The following PKNOX1 variants were observed in gnomAD, a reference collection of about 807,000 sequenced individuals.
The protein encoded by PKNOX1 is homeobox protein PKNOX1.
PKNOX1 carries 15 observed loss-of-function variants against 51.9 expected under a neutral mutation model. That is an observed-to-expected ratio of 0.29 (90% CI 0.19 to 0.45). The LOEUF (loss-of-function observed/expected upper bound fraction) is 0.45, where lower values mean the gene tolerates loss of function less well. Among genes scored for constraint, PKNOX1 ranks in the 20% least tolerant of loss-of-function variants. The pLI, the probability that PKNOX1 is intolerant of heterozygous loss-of-function variation, is 1.00. For synonymous variants in PKNOX1, 219 were observed against 211.1 expected (o/e 1.04, Z -0.32); for missense variants, 462 against 547.5 (o/e 0.84, Z 1.56).
Position 43,002,727 on chromosome 21 carries a change from T to C in PKNOX1, c.-56-1599T>C, listed in dbSNP as rs1296368860. ...CTTGTTCCTTTTTCTTTCATTTGTT[T>C]GTTTTTGGAGATGGAGTCTCGCTCT... is the stretch of plus-strand genomic sequence containing the variant. On this transcript the variant is annotated intron_variant, in intron 1 of 10. Transcript: ENST00000291547. Among the ~76,000 whole-genome samples, 7 of 152,140 alleles carry C rather than the reference T, an allele frequency of 4.6e-5. No individual in the cohort carries two copies. In the South Asian group the frequency reaches 1.2e-3, roughly 27 times the overall value.
In PKNOX1 at chr21:43,032,632, AAG is replaced by A. The variant is rs1377107809; in HGVS notation, c.*2536_*2537del. The stretch of plus-strand genomic sequence containing the variant: ...ACACAGTGAGACCCCCATCTATAAA[AAG>A]AGAGCACTGCCTGAACCTCGGTGGC... On this transcript the variant is annotated 3_prime_UTR_variant, in exon 11 of 11. Transcript: ENST00000291547. 3.2e-5 allele frequency: 5 copies of A among 158,088 alleles called. No individual in the cohort carries two copies. The highest frequency in any genetic ancestry group is 1.2e-4 in the African/African-American group (5 of 41,668). The allele number at this position is 158,088 out of a possible 1,614,324, so 9.8% of individuals were successfully genotyped here. A position where few individuals can be genotyped will look rare whatever the true frequency, so the allele number is the denominator to read the frequency against.
At position 43,030,005 on chromosome 21, in the gene PKNOX1, G is replaced by A; in HGVS notation, c.1215G>A (p.Glu405=). 1 of 1,614,080 alleles carries A rather than the reference G, an allele frequency of 6.2e-7. No homozygotes were observed. The highest frequency in any genetic ancestry group is 8.5e-7 in the Non-Finnish European group (1 of 1,180,036). Residue 405 remains glutamate (E), a synonymous_variant, in exon 11 of 11, where the codon GAG becomes GAA. Transcript: ENST00000291547. ...AGGTCATGATGGCAGGGCAGAGCGA[G>A]GACGAGTCTGTGGACAGCACAGAGG... The part of the protein sequence containing the change: ...VQQVMMAGQS[E]DESVDSTEED...
At position 43,028,852 on chromosome 21, in the gene PKNOX1, G is replaced by A. The variant is rs529589297; in HGVS notation, c.1077G>A (p.Pro359=). ...CATCAGGAGTCGCACAGCCACCGCC[G>A]AGCGAGCTCACCATGTCGGAAGGTA... ...SIASGVAQPP[P]SELTMSEGAV... Residue 359 remains proline, a synonymous_variant, in exon 10 of 11, where the codon CCG becomes CCA. Transcript: ENST00000291547. 1.1e-5 allele frequency: 18 copies of A among 1,614,128 alleles called. No individual in the cohort carries two copies. Among genetic ancestry groups the A allele is most frequent in the East Asian group, 6.7e-5 (3 of 44,872 alleles).
At position 43,028,975 on chromosome 21, in the gene PKNOX1, T is replaced by C. The variant is rs1451201907; in HGVS notation, c.1099+101T>C. The stretch of plus-strand genomic sequence containing the variant: ...TGTTAGCTGTGAGCCTCAGGTAATG[T>C]GGTGAACGAGAGTGCGTGGTTCTCT... On this transcript the variant is annotated intron_variant, in intron 10 of 10. Coordinates refer to ENST00000291547, the MANE Select transcript of PKNOX1 (RefSeq NM_004571.5). 4 of 1,257,314 alleles carry C rather than the reference T, an allele frequency of 3.2e-6. No homozygotes were observed. In the Admixed American group the frequency reaches 5.4e-5, roughly 17 times the overall value. 77.9% of individuals were successfully genotyped at this position (1,257,314 alleles called of 1,614,324 possible).
rs968389213 is a variant in PKNOX1, at chr21:43,007,850, G to A, written c.179+232G>A. ...AGGCTGAGGCGGGCGGATCACTTGA[G>A]GTTAAGAGTTTGAGACCAGCCTGGC... On this transcript the variant is annotated intron_variant, in intron 3 of 10. Transcript: ENST00000291547. The A allele has an allele frequency of 2.5e-5, 10 of 395,112 alleles. No homozygotes were observed. The Admixed American group carries it at 3.3e-4, about 13-fold the overall frequency. The allele number at this position is 395,112 out of a possible 1,614,324, so 24.5% of individuals were successfully genotyped here. A position where few individuals can be genotyped will look rare whatever the true frequency, so the allele number is the denominator to read the frequency against.
In PKNOX1 at chr21:43,021,160, T is replaced by C; in HGVS notation, c.721-143T>C. 2 of 595,044 alleles carry C rather than the reference T, an allele frequency of 3.4e-6. No homozygotes were observed. Among genetic ancestry groups the C allele is most frequent in the Non-Finnish European group, 5.8e-6 (2 of 343,936 alleles). The allele number at this position is 595,044 out of a possible 1,614,324, so 36.9% of individuals were successfully genotyped here. A position where few individuals can be genotyped will look rare whatever the true frequency, so the allele number is the denominator to read the frequency against. On this transcript the variant is annotated intron_variant, in intron 7 of 10. Coordinates refer to ENST00000291547, the MANE Select transcript of PKNOX1 (RefSeq NM_004571.5). This position sits in a 1 kb window ranked among gnomAD's most constrained non-coding sequence, Gnocchi z 4.6. ...AGGGAGCCGTGTCCTGAAACATCAGTCCACACAGGGTTCCCGTGCATGGGC... is the reference window on the plus strand; with the variant it reads ...AGGGAGCCGTGTCCTGAAACATCAGCCCACACAGGGTTCCCGTGCATGGGC...
intron 1 of PKNOX1, among the ~76,000 whole-genome samples, chr21:42,996,743 T>A (rs191746282): frequency 5.9e-5 from 9 of 152,222 alleles, no homozygotes; most frequent in East Asian, 3.9e-4. Flanking sequence ...TTTAAAAAAA[T>A]TTGTTGTAGA....
intron 1 of PKNOX1, among the ~76,000 whole-genome samples, chr21:42,993,564 G>A (rs1276441216): frequency 2.7e-5 from 4 of 149,328 alleles, no homozygotes; most frequent in African/African-American, 4.9e-5. Flanking sequence ...TGCATTTTTG[G>A]CATTTAAAAA....
intron 1 of PKNOX1, among the ~76,000 whole-genome samples, chr21:42,993,128 C>G (rs2059097042): frequency 1.3e-5 from 2 of 152,182 alleles, no homozygotes; most frequent in South Asian, 4.2e-4. Flanking sequence ...CTAGGTCAGC[C>G]TGGATTGCAG....
chr21:42,976,786 T>A (rs969523746), intron 1 of PKNOX1, among the ~76,000 whole-genome samples: 1 of 152,254 alleles, frequency 6.6e-6, no homozygotes, highest in African/African-American at 2.4e-5. Context: ...AAACTCCTGT[T>A]AATGTTATTT....
intron 1 of PKNOX1, among the ~76,000 whole-genome samples, chr21:42,975,248 C>A (rs1397728854): frequency 6.8e-6 from 1 of 147,142 alleles, no homozygotes; most frequent in Non-Finnish European, 1.5e-5. Context: ...GCCGCGACCC[C>A]GGCCCCGGCC....
rs554577059 is a variant in PKNOX1 at position 43,022,940 on chromosome 21, A to C, written c.849+1509A>C. The stretch of plus-strand genomic sequence containing the variant: ...ATATGTATAACATAATGATAGAACA[A>C]CACCAAGTGGTGGGATTGGGTGAGT... On this transcript the variant is annotated intron_variant, in intron 8 of 10. Coordinates refer to ENST00000291547, the MANE Select transcript of PKNOX1 (RefSeq NM_004571.5). Among the ~76,000 whole-genome samples, 12 of 152,268 alleles carry C rather than the reference A, an allele frequency of 7.9e-5. No homozygotes were observed. In the South Asian group the frequency reaches 1.7e-3, roughly 21 times the overall value.
At chr21:43,000,613 TA>T (rs1461970306) in intron 1 of PKNOX1, among the ~76,000 whole-genome samples, 1 of 152,136 alleles carries the variant, frequency 6.6e-6, no homozygotes, top group Non-Finnish European at 1.5e-5. Context: ...GGGACACAGC[TA>T]AACCATATCA....
chr21:42,978,355 G>A (rs1288035844), intron 1 of PKNOX1, among the ~76,000 whole-genome samples: 1 of 151,812 alleles, frequency 6.6e-6, no homozygotes, highest in Non-Finnish European at 1.5e-5. Context: ...TTGCCTTTAA[G>A]TTTTCCTTTG....
chr21:42,979,256 G>A (rs1164281656), intron 1 of PKNOX1, among the ~76,000 whole-genome samples: 1 of 152,144 alleles, frequency 6.6e-6, no homozygotes, highest in Non-Finnish European at 1.5e-5. Flanking sequence ...CCCCGTAACA[G>A]ACATAATAAT....
rs143655399 is a variant in PKNOX1, at chr21:43,005,077, T to C, written c.51+645T>C. Reference sequence around the variant, plus strand: ...GATCGAGACTTGGCTGAGGCCCTTGTGGTCTTTCTTGGCTTGCGATCTTGT... The same window carrying C: ...GATCGAGACTTGGCTGAGGCCCTTGCGGTCTTTCTTGGCTTGCGATCTTGT... On this transcript the variant is annotated intron_variant, in intron 2 of 10. Coordinates refer to ENST00000291547, the MANE Select transcript of PKNOX1 (RefSeq NM_004571.5). 2.9e-3 allele frequency among the ~76,000 whole-genome samples: 448 copies of C among 152,330 alleles called. 1 individual carries two copies. The highest frequency in any genetic ancestry group is 0.01 in the African/African-American group (424 of 41,576).
intron 1 of PKNOX1, among the ~76,000 whole-genome samples, chr21:43,001,420 C>T (rs893580092): frequency 5.3e-5 from 8 of 152,156 alleles, no homozygotes; most frequent in Non-Finnish European, 1.2e-4. Flanking sequence ...TCTTCCTTGG[C>T]ACTCAGCCTC....
In PKNOX1 at chr21:42,998,277, T is replaced by A. The variant is rs899781970; in HGVS notation, c.-56-6049T>A. Among the ~76,000 whole-genome samples, 3 of 152,130 alleles carry A rather than the reference T, an allele frequency of 2.0e-5. 1 individual carries two copies. The East Asian group carries it at 5.8e-4, about 29-fold the overall frequency. ...ATCTTGTGGGACTTATTCGCTATCA[T>A]GAGAACAGCACAGAAAAGACTTGCC... On this transcript the variant is annotated intron_variant, in intron 1 of 10. Transcript: ENST00000291547.
chr21:42,975,786 TC>T (rs1426906966), intron 1 of PKNOX1, among the ~76,000 whole-genome samples: 1 of 152,242 alleles, frequency 6.6e-6, no homozygotes, highest in Non-Finnish European at 1.5e-5. Context: ...CTCTTCCAAC[TC>T]TACGAGAGTT....
Sources: gnomAD v4.1 joint callset for allele counts (sites outside exome capture counted in the v4.1 genomes callset) on GRCh38, gnomAD v4.1.1 for gene constraint, Gnocchi (gnomAD v3.1) non-coding constraint, MANE v1.5 for transcripts, NCBI Gene and HGNC (gene_info 2026-07-23, HGNC 2026-07-21) for gene names.